Variants in ZFAND1 observed in about 807,000 individuals in gnomAD.
ZFAND1 encodes AN1-type zinc finger protein 1.
Under a neutral mutation model 38.5 loss-of-function variants are expected in ZFAND1, and 40 were observed. The observed-to-expected ratio is 1.04, with a 90% CI of 0.81 to 1.35. The LOEUF (loss-of-function observed/expected upper bound fraction) is 1.35. ZFAND1 is among the 40% of genes most tolerant of loss of function. ZFAND1 has a pLI of 0.00. For missense variants in ZFAND1, 346 were observed against 316.3 expected, an observed-to-expected ratio of 1.09 and a Z score of -0.71; for synonymous variants, 117 against 103.6, an observed-to-expected ratio of 1.13 and a Z score of -0.78.
upstream of ZFAND1, chr8:81,721,302 C>A: frequency 1.3e-6 from 2 of 1,546,704 alleles, no homozygotes; most frequent in South Asian, 1.2e-5. Context: ...CCGTAAGGGG[C>A]GGGGCAAAGC....
chr8:81,714,209 AT>A (rs1808230861), intron 5 of ZFAND1, 170 bp from the exon 6 acceptor site: 3 of 605,752 alleles, frequency 5.0e-6, no homozygotes, highest in Non-Finnish European at 7.9e-6. Flanking sequence ...CAATGGAAAA[AT>A]ATCATTGAGA....
intron 6 of ZFAND1, chr8:81,708,943 T>C: frequency 3.1e-6 from 1 of 321,232 alleles, no homozygotes. Context: ...TGAAATTTGA[T>C]TCGAAATGTG....
In ZFAND1 at chr8:81,719,356, A is replaced by ACACACACACACAC. The variant is rs1563611539; in HGVS notation, c.56-1133_56-1132insGTGTGTGTGTGTG. Among the ~76,000 whole-genome samples the ACACACACACACAC allele has an allele frequency of 2.0e-4, 11 of 55,082 alleles. 1 individual carries two copies. The highest frequency in any genetic ancestry group is 9.1e-4 in the African/African-American group (11 of 12,124). 36.1% of individuals were successfully genotyped at this position (55,082 alleles called of 152,430 possible). A position where few individuals can be genotyped will look rare whatever the true frequency, so the allele number is the denominator to read the frequency against. On this transcript the variant is annotated intron_variant, in intron 1 of 7. Transcript: ENST00000220669. ...ACACACACACACACACACACACACA[A>ACACACACACACAC]ATTAGCTGGGCGTGGTGGTTCATGC...
At position 81,717,240 on chromosome 8, in the gene ZFAND1, C is replaced by T. The variant is rs566667200; in HGVS notation, c.138+9G>A. ...TACATTTTATCAGATTGGAAAAATA[C>T]TAACATACCTCAGGACAACCATGAG... On this transcript the variant is annotated intron_variant, in intron 3 of 7. Transcript: ENST00000220669. 2.0e-6 allele frequency: 3 copies of T among 1,535,214 alleles called. No individual in the cohort carries two copies. In the East Asian group the frequency reaches 7.7e-5, roughly 39 times the overall value.
chr8:81,717,811 T>C (rs902787862), intron 2 of ZFAND1, among the ~76,000 whole-genome samples: 1 of 152,092 alleles, frequency 6.6e-6, no homozygotes, highest in African/African-American at 2.4e-5. Flanking sequence ...GCATGTAATG[T>C]AGTCAAATGC....
chr8:81,718,292 G>T, intron 1 of ZFAND1, 68 bp from the exon 2 acceptor site: 1 of 1,324,394 alleles, frequency 7.6e-7, no homozygotes, highest in Admixed American at 2.4e-5. Flanking sequence ...TAAGCAAGAA[G>T]ACAACCTCTA....
chr8:81,708,912 T>A (rs1585922746), intron 6 of ZFAND1: 2 of 505,288 alleles, frequency 4.0e-6, no homozygotes, highest in Non-Finnish European at 5.9e-6. Flanking sequence ...AAAACTATAC[T>A]TAGTATAGGC....
At chr8:81,711,790 A>G (rs1808147188) in intron 6 of ZFAND1, among the ~76,000 whole-genome samples, 1 of 152,210 alleles carries the variant, frequency 6.6e-6, no homozygotes, top group South Asian at 2.1e-4. Flanking sequence ...ATATTTACCA[A>G]AATTGACTTC....
In ZFAND1 at chr8:81,715,021, T is replaced by C; in HGVS notation, c.232A>G (p.Ile78Val). The C allele has an allele frequency of 1.2e-6, 2 of 1,614,110 alleles. No individual in the cohort carries two copies. The highest frequency in any genetic ancestry group is 1.7e-6 in the Non-Finnish European group (2 of 1,179,976). The change falls in exon 4 of 8, where the codon ATA becomes GTA. Residue 78 changes from isoleucine to valine, a missense_variant. Coordinates refer to ENST00000220669, the MANE Select transcript of ZFAND1 (RefSeq NM_024699.3). ...DCAERELVAV[I>V]CPYCEKNFCL... ...AAATTCTTCTCACAATAAGGACATA[T>C]AACTGCCACAAGTTCTCTCTCAGCA... is the stretch of plus-strand genomic sequence containing the variant.
intron 6 of ZFAND1, among the ~76,000 whole-genome samples, chr8:81,709,760 T>C (rs1808083321): frequency 6.6e-6 from 1 of 152,174 alleles, no homozygotes; most frequent in African/African-American, 2.4e-5. Flanking sequence ...TTATGATATA[T>C]TGTTAAGTGT....
At chr8:81,712,231 G>C (rs1808159190) in intron 6 of ZFAND1, among the ~76,000 whole-genome samples, 1 of 152,006 alleles carries the variant, frequency 6.6e-6, no homozygotes, top group African/African-American at 2.4e-5. Context: ...GGAATAGAAA[G>C]AAATAATAGT....
chr8:81,714,181 G>T (rs1388764826), intron 5 of ZFAND1, 142 bp from the exon 6 acceptor site: 4 of 740,322 alleles, frequency 5.4e-6, no homozygotes, highest in Non-Finnish European at 8.1e-6. Flanking sequence ...CATTGTATAG[G>T]TATTGTATTT....
chr8:81,706,395 G>A (rs779125730), intron 6 of ZFAND1, among the ~76,000 whole-genome samples: 2,315 of 48,254 alleles, frequency 0.048, 4 homozygotes, highest in Non-Finnish European at 0.062. Context: ...AAAAAAAAAA[G>A]AAGTGTTGGT....
intron 6 of ZFAND1, among the ~76,000 whole-genome samples, chr8:81,712,379 TC>T (rs1029459417): frequency 6.6e-6 from 1 of 152,020 alleles, no homozygotes; most frequent in African/African-American, 2.4e-5. Context: ...TCTGAAGATC[TC>T]AACATTAAGA....
At chr8:81,704,650 C>A (rs1294139788) in intron 6 of ZFAND1, among the ~76,000 whole-genome samples, 1 of 151,312 alleles carries the variant, frequency 6.6e-6, no homozygotes, top group African/African-American at 2.4e-5. Context: ...CTTTACAGGT[C>A]AATTCTTGCT....
At chr8:81,713,793 C>A in intron 6 of ZFAND1, 125 bp downstream of exon 6, 1 of 930,234 alleles carries the variant, frequency 1.1e-6, no homozygotes, top group African/African-American at 1.6e-5. Flanking sequence ...AGACATATAC[C>A]ATGCAACATT....
intron 6 of ZFAND1, among the ~76,000 whole-genome samples, chr8:81,711,923 C>T (rs1808151684): frequency 6.6e-6 from 1 of 151,732 alleles, no homozygotes; most frequent in South Asian, 2.1e-4. Context: ...CCCTCTACAA[C>T]TACCTCAAAG....
chr8:81,719,356 A>ACAC (rs1563611539), intron 1 of ZFAND1, among the ~76,000 whole-genome samples: 31 of 55,122 alleles, frequency 5.6e-4, no homozygotes, highest in African/African-American at 2.5e-3. Flanking sequence ...CACACACACA[A>ACAC]ATTAGCTGGG....
intron 5 of ZFAND1, chr8:81,714,264 C>G (rs923924190): frequency 7.0e-6 from 3 of 427,512 alleles, no homozygotes; most frequent in Non-Finnish European, 1.2e-5. Context: ...CTATAATGTG[C>G]TTCTTTTCAA....
Sources: gnomAD v4.1 joint callset for allele counts (sites outside exome capture counted in the v4.1 genomes callset) on GRCh38, gnomAD v4.1.1 for gene constraint, MANE v1.5 for transcripts, NCBI Gene and HGNC (gene_info 2026-07-23, HGNC 2026-07-21) for gene names.